SFMBT2: variants seen among roughly 807,000 people sequenced by gnomAD.
SFMBT2 encodes Scm like with four mbt domains 2.
SFMBT2 carries 38 observed loss-of-function variants against 110.1 expected under a neutral mutation model. The ratio of observed to expected loss-of-function variants is 0.35; its 90% CI spans 0.27 to 0.45. The LOEUF is 0.45. SFMBT2 is among the 20% of genes least tolerant of loss of function. The probability of loss-of-function intolerance (pLI) is 1.00; values close to 1 mark genes in which losing one functional copy is unlikely to be tolerated. For missense variants in SFMBT2, 1,011 were observed against 1,094.9 expected (o/e 0.92, Z 1.08); for synonymous variants, 425 against 425.4 (o/e 1.00, Z 0.01).
At chr10:7,352,383 TGC>T (rs1844352159) in intron 4 of SFMBT2, among the ~76,000 whole-genome samples, 1 of 152,124 alleles carries the variant, frequency 6.6e-6, no homozygotes, top group African/African-American at 2.4e-5. Flanking sequence ...AGTACAGTGG[TGC>T]AATCACAGCT....
At chr10:7,347,844 C>T (rs1201324296) in intron 4 of SFMBT2, among the ~76,000 whole-genome samples, 1 of 152,200 alleles carries the variant, frequency 6.6e-6, no homozygotes, top group South Asian at 2.1e-4. Context: ...AACATTCACC[C>T]TGCAGAATCC....
chr10:7,226,545 A>G (rs1180519496), intron 10 of SFMBT2, among the ~76,000 whole-genome samples: 5 of 152,242 alleles, frequency 3.3e-5, no homozygotes, highest in African/African-American at 1.2e-4. Context: ...CACTGTTGTT[A>G]CAGATCTCAA....
At chr10:7,348,456 T>C in intron 4 of SFMBT2, 1 of 739,808 alleles carries the variant, frequency 1.4e-6, no homozygotes, top group Non-Finnish European at 1.9e-6. Flanking sequence ...TTCAAAAAAT[T>C]GACATTGTTT....
At chr10:7,317,804 A>G (rs1649107188) in intron 4 of SFMBT2, among the ~76,000 whole-genome samples, 1 of 152,226 alleles carries the variant, frequency 6.6e-6, no homozygotes, top group Non-Finnish European at 1.5e-5. Flanking sequence ...ATTAGGTTTC[A>G]AATTCTATTA....
chr10:7,187,920 A>G (rs1838467731), intron 16 of SFMBT2, among the ~76,000 whole-genome samples: 1 of 152,240 alleles, frequency 6.6e-6, no homozygotes, highest in South Asian at 2.1e-4. Context: ...CCATAGATGA[A>G]TATTAAAAGT....
At chr10:7,325,301 G>A (rs548821716) in intron 4 of SFMBT2, among the ~76,000 whole-genome samples, 6 of 152,158 alleles carry the variant, frequency 3.9e-5, no homozygotes, top group South Asian at 4.2e-4. Context: ...GCCACACTGC[G>A]GGGGCTTCAA....
chr10:7,256,793 C>T (rs1422324453), intron 7 of SFMBT2, among the ~76,000 whole-genome samples: 1 of 152,132 alleles, frequency 6.6e-6, no homozygotes, highest in African/African-American at 2.4e-5. Flanking sequence ...ATGTGACAGG[C>T]ACCATCCTAT....
chr10:7,306,333 GA>G (rs1428032070), intron 4 of SFMBT2, among the ~76,000 whole-genome samples: 5 of 152,198 alleles, frequency 3.3e-5, no homozygotes, highest in Non-Finnish European at 4.4e-5. Flanking sequence ...TAAATGGTTG[GA>G]AAAGTCAATA....
At chr10:7,214,651 C>T (rs1331593304) in intron 11 of SFMBT2, 1 of 985,372 alleles carries the variant, frequency 1.0e-6, no homozygotes, top group African/African-American at 1.7e-5. Flanking sequence ...CACGTAAGTG[C>T]TGTGCTTGTC....
At chr10:7,334,113 C>A (rs950051975) in intron 4 of SFMBT2, among the ~76,000 whole-genome samples, 4 of 152,156 alleles carry the variant, frequency 2.6e-5, no homozygotes, top group Admixed American at 2.0e-4. Flanking sequence ...TCTCAGGACA[C>A]GACAACTCAT....
chr10:7,332,399 T>C lies in SFMBT2; in HGVS notation c.436+35250A>G, dbSNP rs866286591. ...CATGCAAAAGGGTGCTATTCATCAATAGCAATTAAAAGCTCTACTATTTAT... is the reference window on the plus strand; with the variant it reads ...CATGCAAAAGGGTGCTATTCATCAACAGCAATTAAAAGCTCTACTATTTAT... On this transcript the variant is annotated intron_variant, in intron 4 of 20. Transcript: ENST00000397167. Among the ~76,000 whole-genome samples, 6 of 152,200 alleles carry C rather than the reference T, an allele frequency of 3.9e-5. 1 individual carries two copies. The South Asian group carries it at 1.2e-3, about 31-fold the overall frequency.
At chr10:7,313,139 T>C (rs1745944818) in intron 4 of SFMBT2, among the ~76,000 whole-genome samples, 1 of 151,246 alleles carries the variant, frequency 6.6e-6, no homozygotes, top group African/African-American at 2.4e-5. Context: ...AGAAAATAAA[T>C]TTTAAAATAC....
Position 7,202,401 on chromosome 10 carries a change from A to G in SFMBT2, c.1487+79T>C, listed in dbSNP as rs1838983295. 17 of 1,569,744 alleles carry G rather than the reference A, an allele frequency of 1.1e-5. No homozygotes were observed. The Middle Eastern group carries it at 5.0e-4, about 46-fold the overall frequency. The stretch of plus-strand genomic sequence containing the variant: ...TTTGTTAGATAACTCCAATAAAAAC[A>G]GCCATGCTTCCCATCCTCCATAAAG... On this transcript the variant is annotated intron_variant, in intron 13 of 20. Transcript: ENST00000397167.
At chr10:7,166,397 T>C (rs1837694998) in intron 20 of SFMBT2, among the ~76,000 whole-genome samples, 1 of 152,220 alleles carries the variant, frequency 6.6e-6, no homozygotes, top group African/African-American at 2.4e-5. Flanking sequence ...AGCACGAAAA[T>C]ATTCGTGTAA....
At chr10:7,339,259 G>A (rs1001007493) in intron 4 of SFMBT2, among the ~76,000 whole-genome samples, 1 of 151,896 alleles carries the variant, frequency 6.6e-6, no homozygotes, top group Non-Finnish European at 1.5e-5. Flanking sequence ...ATAAATAAAT[G>A]AATAAATAAA....
intron 7 of SFMBT2, among the ~76,000 whole-genome samples, chr10:7,262,161 G>A (rs1035806660): frequency 8.4e-5 from 12 of 142,550 alleles, no homozygotes; most frequent in Non-Finnish European, 1.6e-4. Flanking sequence ...CCTGGAGCAA[G>A]TGTCTGTTCA....
intron 9 of SFMBT2, among the ~76,000 whole-genome samples, chr10:7,238,548 AATACG>A (rs1840332887): frequency 1.3e-5 from 2 of 152,194 alleles, no homozygotes; most frequent in African/African-American, 4.8e-5. Flanking sequence ...AGGAAAAGAG[AATACG>A]ACTTACGGTT....
intron 4 of SFMBT2, among the ~76,000 whole-genome samples, chr10:7,322,087 T>C (rs2131936460): frequency 6.6e-6 from 1 of 152,334 alleles, no homozygotes; most frequent in South Asian, 2.1e-4. Context: ...CACCTTGAAT[T>C]GTAAATAATT....
intron 1 of SFMBT2, among the ~76,000 whole-genome samples, chr10:7,392,654 A>G (rs1161746213): frequency 6.6e-6 from 1 of 152,144 alleles, no homozygotes; most frequent in Non-Finnish European, 1.5e-5. Flanking sequence ...ATCTCACAAA[A>G]CTATTGCAAA....
Sources: gnomAD v4.1 joint callset for allele counts (sites outside exome capture counted in the v4.1 genomes callset) on GRCh38, gnomAD v4.1.1 for gene constraint, MANE v1.5 for transcripts, NCBI Gene and HGNC (gene_info 2026-07-23, HGNC 2026-07-21) for gene names.